The following SLIT3 variants were observed in gnomAD, a reference collection of about 807,000 sequenced individuals.
The protein encoded by SLIT3 is slit homolog 3 protein.
A neutral mutation model predicts 184.0 loss-of-function variants in SLIT3; 68 were observed. The observed-to-expected ratio is 0.37, with a 90% CI of 0.30 to 0.45. The LOEUF (loss-of-function observed/expected upper bound fraction) is 0.45. Among genes scored for constraint, SLIT3 ranks in the 20% least tolerant of loss-of-function variants. The probability of loss-of-function intolerance (pLI) is 1.00; values close to 1 mark genes in which losing one functional copy is unlikely to be tolerated. For missense variants in SLIT3, 1,707 were observed against 2,026.0 expected (o/e 0.84, Z 3.02); for synonymous variants, 831 against 828.6 (o/e 1.00, Z -0.05).
chr5:169,059,816 G>A (rs1581363060), intron 4 of SLIT3, among the ~76,000 whole-genome samples: 1 of 152,336 alleles, frequency 6.6e-6, no homozygotes, highest in African/African-American at 2.4e-5. Context: ...TGGGGCTATG[G>A]TCTGAATGTT....
At chr5:169,096,008 T>C (rs1471967583) in intron 4 of SLIT3, among the ~76,000 whole-genome samples, 2 of 152,204 alleles carry the variant, frequency 1.3e-5, no homozygotes, top group Non-Finnish European at 2.9e-5. Context: ...CATTCCTCCC[T>C]CAAGGCAAGA....
chr5:168,932,848 C>G (rs1762036820), intron 4 of SLIT3, among the ~76,000 whole-genome samples: 1 of 152,254 alleles, frequency 6.6e-6, no homozygotes, highest in Non-Finnish European at 1.5e-5. Context: ...GCCCCACCTA[C>G]AGCTGAACAT....
chr5:168,913,051 A>T (rs1761305250), intron 4 of SLIT3, among the ~76,000 whole-genome samples: 1 of 152,170 alleles, frequency 6.6e-6, no homozygotes, highest in Non-Finnish European at 1.5e-5. Context: ...CCTGCTACTG[A>T]TGAGTTATTT....
At chr5:168,677,195 T>A (rs1339061701) in intron 32 of SLIT3, among the ~76,000 whole-genome samples, 1 of 152,234 alleles carries the variant, frequency 6.6e-6, no homozygotes, top group Admixed American at 6.5e-5. Flanking sequence ...TGAGGGACCC[T>A]GGGCAAGTCA....
chr5:169,109,606 G>A (rs1288080853), intron 4 of SLIT3, among the ~76,000 whole-genome samples: 1 of 152,144 alleles, frequency 6.6e-6, no homozygotes, highest in Non-Finnish European at 1.5e-5. Context: ...CAGCCTCTAG[G>A]CTTTTAATCA....
At chr5:168,796,432 G>A (rs993786186) in intron 9 of SLIT3, among the ~76,000 whole-genome samples, 2 of 152,104 alleles carry the variant, frequency 1.3e-5, no homozygotes, top group African/African-American at 2.4e-5. Context: ...GAGGTGGGGC[G>A]CTCTATTCGG....
intron 1 of SLIT3, among the ~76,000 whole-genome samples, chr5:169,287,011 G>A (rs1318942035): frequency 6.6e-6 from 1 of 152,228 alleles, no homozygotes; most frequent in Non-Finnish European, 1.5e-5. Flanking sequence ...AATGTACAAG[G>A]AGGGCACACG....
intron 4 of SLIT3, among the ~76,000 whole-genome samples, chr5:168,945,504 G>A (rs542903959): frequency 8.5e-5 from 13 of 152,276 alleles, no homozygotes; most frequent in Non-Finnish European, 1.2e-4. Context: ...CCAAAGTGCC[G>A]GGATTACAGG....
intron 4 of SLIT3, chr5:169,017,832 CTTTCATAAGGAGGAGT>C (rs1756451571): frequency 1.3e-5 from 2 of 152,300 alleles, no homozygotes; most frequent in African/African-American, 2.4e-5. Context: ...GGTTTATTAG[CTTTCATAAGGAGGAGT>C]CAGAGAAGTA....
At position 169,053,778 on chromosome 5, in the gene SLIT3, T is replaced by C. The variant is rs531663450; in HGVS notation, c.413+139701A>G. 5.5e-4 allele frequency among the ~76,000 whole-genome samples: 84 copies of C among 151,968 alleles called. 1 individual carries two copies. The highest frequency in any genetic ancestry group is 1.7e-3 in the African/African-American group (71 of 41,444). On this transcript the variant is annotated intron_variant, in intron 4 of 35. Transcript: ENST00000519560. ...TGTTGTGGCCCAAAGCCCTGGTTCC[T>C]GTGAATGTGACCTTATTTCAAAATA...
chr5:168,743,562 C>T (rs564663584), intron 20 of SLIT3, among the ~76,000 whole-genome samples: 79 of 152,262 alleles, frequency 5.2e-4, no homozygotes, highest in African/African-American at 1.9e-3. Context: ...TCCCTATTTC[C>T]GGAGACAAAG....
At chr5:168,937,306 A>G (rs1762189106) in intron 4 of SLIT3, among the ~76,000 whole-genome samples, 1 of 152,134 alleles carries the variant, frequency 6.6e-6, no homozygotes, top group African/African-American at 2.4e-5. Flanking sequence ...TAAAACCATT[A>G]AAGTGTTGTG....
At chr5:169,291,550 TTAGTCTTC>T (rs1767362575) in intron 1 of SLIT3, among the ~76,000 whole-genome samples, 1 of 152,174 alleles carries the variant, frequency 6.6e-6, no homozygotes, top group Admixed American at 6.5e-5. Flanking sequence ...AGGGATCCCA[TTAGTCTTC>T]ACGCTCCAAT....
At chr5:169,192,481 C>A (rs1763590111) in intron 4 of SLIT3, among the ~76,000 whole-genome samples, 1 of 150,120 alleles carries the variant, frequency 6.7e-6, no homozygotes, top group Non-Finnish European at 1.5e-5. Context: ...ATATATATTC[C>A]TAATTCAGAA....
At chr5:169,290,456 T>A (rs1242716605) in intron 1 of SLIT3, among the ~76,000 whole-genome samples, 6 of 142,622 alleles carry the variant, frequency 4.2e-5, no homozygotes, top group African/African-American at 1.6e-4. Context: ...CTAGGGCACA[T>A]GCTAGGGCAC....
chr5:169,098,856 G>A (rs767990517), intron 4 of SLIT3, among the ~76,000 whole-genome samples: 15 of 152,106 alleles, frequency 9.9e-5, no homozygotes, highest in East Asian at 1.9e-4. Context: ...TTGAGAAGCC[G>A]GAGGAATTCT....
At chr5:169,265,114 G>A (rs1323254658) in intron 1 of SLIT3, among the ~76,000 whole-genome samples, 1 of 152,080 alleles carries the variant, frequency 6.6e-6, no homozygotes. Flanking sequence ...TGCACCAGGA[G>A]GACTCCCTGC....
Position 169,119,846 on chromosome 5 carries a change from T to C in SLIT3, c.413+73633A>G, listed in dbSNP as rs145492532. ...ATGTTTTTCTTGCAGCATTGCCAAA[T>C]GGAAATGGCTCTTAATTATGTCAAC... On this transcript the variant is annotated intron_variant, in intron 4 of 35. Coordinates refer to ENST00000519560, the MANE Select transcript of SLIT3 (RefSeq NM_003062.4). The C allele has an allele frequency of 2.2e-3, 335 of 152,326 alleles. 5 individuals carry two copies. Among genetic ancestry groups the C allele is most frequent in the African/African-American group, 7.6e-3 (314 of 41,572 alleles). 9.4% of individuals were successfully genotyped at this position (152,326 alleles called of 1,614,324 possible).
chr5:168,984,028 T>TGA lies in SLIT3; in HGVS notation c.414-100694_414-100693dup, dbSNP rs540461765. On this transcript the variant is annotated intron_variant, in intron 4 of 35. Transcript: ENST00000519560. ...TCATGCCACTGGATTCCAGCCTGGG[T>TGA]GAGAGAGAGAAACCCTGTCTCAAAA... Among the ~76,000 whole-genome samples, 121 of 152,090 alleles carry TGA rather than the reference T, an allele frequency of 8.0e-4. 2 individuals are homozygous for TGA. The South Asian group carries it at 0.017, about 22-fold the overall frequency.
Sources: gnomAD v4.1 joint callset for allele counts (sites outside exome capture counted in the v4.1 genomes callset) on GRCh38, gnomAD v4.1.1 for gene constraint, MANE v1.5 for transcripts, NCBI Gene and HGNC (gene_info 2026-07-23, HGNC 2026-07-21) for gene names.